BBS9: variants seen among roughly 807,000 people sequenced by gnomAD.
BBS9 encodes the protein protein PTHB1.
BBS9 carries 89 observed loss-of-function variants against 117.7 expected under a neutral mutation model. The ratio of observed to expected loss-of-function variants is 0.76; its 90% CI spans 0.64 to 0.90. The LOEUF is 0.90. BBS9 is among the 40% of genes least tolerant of loss of function. The pLI, the probability that BBS9 is intolerant of heterozygous loss-of-function variation, is 0.00. For synonymous variants in BBS9, 379 were observed against 370.9 expected (o/e 1.02, Z -0.25); for missense variants, 982 against 1,042.2 (o/e 0.94, Z 0.80).
chr7:33,163,704 A>G (rs1335988452), intron 4 of BBS9, among the ~76,000 whole-genome samples: 1 of 151,956 alleles, frequency 6.6e-6, no homozygotes, highest in Non-Finnish European at 1.5e-5. Flanking sequence ...TGTTGCGTCT[A>G]TTTGATTCTT....
At chr7:33,538,478 T>C (rs558467520) in intron 21 of BBS9, among the ~76,000 whole-genome samples, 2 of 152,288 alleles carry the variant, frequency 1.3e-5, no homozygotes, top group East Asian at 3.9e-4. Flanking sequence ...TTTTTAGTAT[T>C]TAAAACTTGA....
intron 9 of BBS9, among the ~76,000 whole-genome samples, chr7:33,297,335 A>G (rs887496504): frequency 1.3e-5 from 2 of 152,198 alleles, no homozygotes; most frequent in African/African-American, 4.8e-5. Context: ...AACCATTGCT[A>G]TGGAACATAC....
At chr7:33,334,513 G>T (rs915508232) in intron 9 of BBS9, among the ~76,000 whole-genome samples, 4 of 152,098 alleles carry the variant, frequency 2.6e-5, no homozygotes, top group African/African-American at 9.7e-5. Flanking sequence ...CAGAGGGAAG[G>T]GAAGATTTGC....
At chr7:33,438,252 A>T (rs1489432109) in intron 19 of BBS9, among the ~76,000 whole-genome samples, 1 of 152,222 alleles carries the variant, frequency 6.6e-6, no homozygotes, top group Admixed American at 6.5e-5. Context: ...GGAGAAGCTT[A>T]TATTTTTAAC....
At chr7:33,378,725 T>A (rs1239597585) in intron 17 of BBS9, among the ~76,000 whole-genome samples, 1 of 152,178 alleles carries the variant, frequency 6.6e-6, no homozygotes, top group African/African-American at 2.4e-5. Context: ...ACTGCTGCCT[T>A]TCTTGGTTAG....
At chr7:33,412,402 G>A (rs561855047) in intron 19 of BBS9, among the ~76,000 whole-genome samples, 1 of 152,282 alleles carries the variant, frequency 6.6e-6, no homozygotes, top group African/African-American at 2.4e-5. Context: ...CCTGTCCCAA[G>A]GGCAACTGGC....
intron 21 of BBS9, among the ~76,000 whole-genome samples, chr7:33,590,833 A>G (rs1186213430): frequency 6.6e-6 from 1 of 151,450 alleles, no homozygotes; most frequent in Non-Finnish European, 1.5e-5. Flanking sequence ...TGAAGCAGAG[A>G]AAGATCAAGT....
At chr7:33,134,007 A>G (rs1790037855) in intron 1 of BBS9, among the ~76,000 whole-genome samples, 1 of 152,148 alleles carries the variant, frequency 6.6e-6, no homozygotes, top group Non-Finnish European at 1.5e-5. Context: ...GTGTGAAGTC[A>G]TATCTCATAG....
rs1325734832 is a variant in BBS9, at chr7:33,605,969, G to A, written c.*743G>A. The A allele has an allele frequency of 6.6e-6, 1 of 152,042 alleles. No homozygotes were observed. Among genetic ancestry groups the A allele is most frequent in the African/African-American group, 2.4e-5 (1 of 41,414 alleles). 9.4% of individuals were successfully genotyped at this position (152,042 alleles called of 1,614,324 possible). A position where few individuals can be genotyped will look rare whatever the true frequency, so the allele number is the denominator to read the frequency against. ...ACACTTTATTACAGTTAAAATTTAA[G>A]GTTTTTATGTGTAAGAAGTGAAAGA... On this transcript the variant is annotated 3_prime_UTR_variant, in exon 23 of 23. Transcript: ENST00000242067.
chr7:33,371,353 A>G (rs1822832137), intron 17 of BBS9, among the ~76,000 whole-genome samples: 2 of 152,176 alleles, frequency 1.3e-5, no homozygotes, highest in South Asian at 4.1e-4. Context: ...CCAAGGATAA[A>G]TTTTGAGTAT....
chr7:33,134,017 G>A (rs921449558), intron 1 of BBS9, among the ~76,000 whole-genome samples: 2 of 152,072 alleles, frequency 1.3e-5, no homozygotes, highest in African/African-American at 2.4e-5. Flanking sequence ...ATATCTCATA[G>A]TTTTGATTTG....
intron 21 of BBS9, among the ~76,000 whole-genome samples, chr7:33,592,019 C>CT (rs1289494879): frequency 6.6e-6 from 1 of 152,022 alleles, no homozygotes. Flanking sequence ...CTTTTAATGC[C>CT]TTGGTGACAA....
intron 17 of BBS9, chr7:33,379,894 C>CT (rs1262767737): frequency 6.6e-6 from 1 of 152,202 alleles, no homozygotes; most frequent in Non-Finnish European, 1.5e-5. Context: ...CGTGTTCAAC[C>CT]TTACGAACCT....
At chr7:33,300,306 C>A (rs1007284426) in intron 9 of BBS9, among the ~76,000 whole-genome samples, 1 of 152,096 alleles carries the variant, frequency 6.6e-6, no homozygotes, top group East Asian at 1.9e-4. Flanking sequence ...GAAAGGGATC[C>A]TTGGATGCAG....
intron 19 of BBS9, among the ~76,000 whole-genome samples, chr7:33,488,973 A>G (rs537294588): frequency 1.3e-5 from 2 of 149,370 alleles, no homozygotes; most frequent in South Asian, 4.2e-4. Context: ...ACCAGATAAC[A>G]TTCAGGACAG....
intron 19 of BBS9, among the ~76,000 whole-genome samples, chr7:33,474,672 G>A (rs1841549141): frequency 1.3e-5 from 2 of 152,198 alleles, no homozygotes; most frequent in African/African-American, 2.4e-5. Flanking sequence ...TGCTGGCTGG[G>A]CGTGATGGCT....
At chr7:33,454,412 C>T (rs1838332510) in intron 19 of BBS9, among the ~76,000 whole-genome samples, 1 of 152,190 alleles carries the variant, frequency 6.6e-6, no homozygotes, top group Admixed American at 6.5e-5. Context: ...GACCTCACAG[C>T]TGCACACACT....
At chr7:33,612,380 C>A (rs1001024076) in intron 21 of BBS9, among the ~76,000 whole-genome samples, 1 of 151,992 alleles carries the variant, frequency 6.6e-6, no homozygotes, top group African/African-American at 2.4e-5. Context: ...ACTTTTCCCC[C>A]AAAATGTCAA....
intron 19 of BBS9, among the ~76,000 whole-genome samples, chr7:33,390,833 T>G (rs1456044328): frequency 6.6e-6 from 1 of 152,206 alleles, no homozygotes; most frequent in Non-Finnish European, 1.5e-5. Context: ...AATGAAATAT[T>G]GTTTCACCAG....
Sources: gnomAD v4.1 joint callset for allele counts (sites outside exome capture counted in the v4.1 genomes callset) on GRCh38, gnomAD v4.1.1 for gene constraint, MANE v1.5 for transcripts, NCBI Gene and HGNC (gene_info 2026-07-23, HGNC 2026-07-21) for gene names.